The following ZNF529 variants were observed in gnomAD, a reference collection of about 807,000 sequenced individuals.
ZNF529 encodes zinc finger protein 529.
A neutral mutation model predicts 10.1 loss-of-function variants in ZNF529; 11 were observed. The ratio of observed to expected loss-of-function variants is 1.09; its 90% CI spans 0.69 to 1.81. The LOEUF is 1.81. ZNF529 is among the 40% of genes most tolerant of loss of function. The pLI, the probability that ZNF529 is intolerant of heterozygous loss-of-function variation, is 0.00. For missense variants in ZNF529, 624 were observed against 666.8 expected, an observed-to-expected ratio of 0.94 and a Z score of 0.71; for synonymous variants, 204 against 215.7, an observed-to-expected ratio of 0.95 and a Z score of 0.47.
intron 1 of ZNF529, among the ~76,000 whole-genome samples, chr19:36,598,250 C>T (rs1336395496): frequency 6.6e-6 from 1 of 152,168 alleles, no homozygotes; most frequent in Non-Finnish European, 1.5e-5. Context: ...TGGCTCATGC[C>T]TGTAATCCCA....
At chr19:36,551,019 A>C (rs555999471) in intron 4 of ZNF529, among the ~76,000 whole-genome samples, 1 of 152,334 alleles carries the variant, frequency 6.6e-6, no homozygotes, top group East Asian at 1.9e-4. Context: ...CCAGATAATA[A>C]GCCAGGAATC....
chr19:36,557,140 A>G (rs1453352990), intron 2 of ZNF529, among the ~76,000 whole-genome samples: 1 of 152,152 alleles, frequency 6.6e-6, no homozygotes, highest in Non-Finnish European at 1.5e-5. Flanking sequence ...ATAAGTTGCA[A>G]TTAGTGGTGC....
At chr19:36,578,815 C>T (rs906737422) in intron 2 of ZNF529, among the ~76,000 whole-genome samples, 2 of 150,884 alleles carry the variant, frequency 1.3e-5, no homozygotes, top group Non-Finnish European at 3.0e-5. Flanking sequence ...CCAGGCTGGT[C>T]TCGAACTCCT....
chr19:36,573,772 G>A (rs537968741), upstream of ZNF529, among the ~76,000 whole-genome samples: 147 of 152,316 alleles, frequency 9.7e-4, no homozygotes, highest in Non-Finnish European at 1.7e-3. Flanking sequence ...GGAGGGCCGG[G>A]CTGGGAAGGC....
chr19:36,561,902 C>T (rs2035712280), intron 2 of ZNF529, among the ~76,000 whole-genome samples: 1 of 152,232 alleles, frequency 6.6e-6, no homozygotes, highest in South Asian at 2.1e-4. Flanking sequence ...TACTTGAGAC[C>T]AGTGACCCAT....
chr19:36,570,639 T>G (rs1249923188), intron 2 of ZNF529, among the ~76,000 whole-genome samples: 1 of 152,234 alleles, frequency 6.6e-6, no homozygotes, highest in Admixed American at 6.5e-5. Context: ...CATAACAGCT[T>G]TTCTGAGTTC....
At chr19:36,585,175 C>A (rs1018801323) in intron 2 of ZNF529, among the ~76,000 whole-genome samples, 1 of 152,166 alleles carries the variant, frequency 6.6e-6, no homozygotes, top group Non-Finnish European at 1.5e-5. Context: ...ACAAACCCAA[C>A]ACTAAACATG....
chr19:36,570,759 CTT>C (rs2036075719), intron 2 of ZNF529, among the ~76,000 whole-genome samples: 1 of 152,168 alleles, frequency 6.6e-6, no homozygotes, highest in South Asian at 2.1e-4. Flanking sequence ...TCAAAATTAA[CTT>C]TATATTTTCA....
rs75068935 is a variant in ZNF529 at position 36,580,778 on chromosome 19, C to G, written c.-41+8837G>C. 364 of 152,100 alleles carry G rather than the reference C, an allele frequency of 2.4e-3. 1 individual carries two copies. The highest frequency in any genetic ancestry group is 8.3e-3 in the African/African-American group (344 of 41,478). The allele number at this position is 152,100 out of a possible 1,614,324, so 9.4% of individuals were successfully genotyped here. A position where few individuals can be genotyped will look rare whatever the true frequency, so the allele number is the denominator to read the frequency against. Reference sequence around the variant, plus strand: ...CAGCTCTTCATATATGCAGATTCAACCAATAGCAATGCACAAATATTCAGA... The same window carrying G: ...CAGCTCTTCATATATGCAGATTCAAGCAATAGCAATGCACAAATATTCAGA... On this transcript the variant is annotated intron_variant, in intron 2 of 4. Coordinates refer to the ZNF529 transcript ENST00000585960.
At chr19:36,604,065 A>C (rs1310412290) in intron 1 of ZNF529, among the ~76,000 whole-genome samples, 1 of 152,158 alleles carries the variant, frequency 6.6e-6, no homozygotes. Context: ...CTGTAATCCC[A>C]GCTACTCGGG....
chr19:36,546,988 G>A lies in ZNF529; in HGVS notation c.1570C>T (p.His524Tyr). Residue 524 changes from histidine (H) to tyrosine (Y), a missense_variant, in exon 5 of 5, where the codon CAT becomes TAT. Physicochemically the swap from His to Tyr is moderately conservative, Grantham distance 83. Coordinates refer to ENST00000591340, the MANE Select transcript of ZNF529 (RefSeq NM_020951.5). ...AFRHSSSFTK[H>Y]QRIHTDDKPY... ...TTATCATCAGTATGAATGCGCTGATGTTTGGTAAAGGATGAACTATGTCTA... is the reference window on the plus strand; with the variant it reads ...TTATCATCAGTATGAATGCGCTGATATTTGGTAAAGGATGAACTATGTCTA... 1 of 1,614,016 alleles carries A rather than the reference G, an allele frequency of 6.2e-7. No individual in the cohort carries two copies. The highest frequency in any genetic ancestry group is 8.5e-7 in the Non-Finnish European group (1 of 1,179,946).
At chr19:36,554,488 G>C (rs571115741) in intron 4 of ZNF529, among the ~76,000 whole-genome samples, 182 bp downstream of exon 4, 20 of 152,142 alleles carry the variant, frequency 1.3e-4, no homozygotes, top group Non-Finnish European at 5.9e-5. Flanking sequence ...TGAGGCAGAA[G>C]AATCACTTGA....
chr19:36,557,959 T>A lies in ZNF529; in HGVS notation c.15-1762A>T, dbSNP rs1187189696. Among the ~76,000 whole-genome samples, 2 of 151,816 alleles carry A rather than the reference T, an allele frequency of 1.3e-5. 1 individual carries two copies. Among genetic ancestry groups the A allele is most frequent in the Non-Finnish European group, 3.0e-5 (2 of 67,792 alleles). On this transcript the variant is annotated intron_variant, in intron 2 of 4. Coordinates refer to ENST00000591340, the MANE Select transcript of ZNF529 (RefSeq NM_020951.5). ...ATGTAGGTATGATCATAATGTTGCA[T>A]CAAAAAGAGAATATCAACAGAGATA... is the stretch of plus-strand genomic sequence containing the variant.
rs1472517030 is a variant in ZNF529 at position 36,546,962 on chromosome 19, T to C, written c.1596A>G (p.Lys532=). 1.2e-6 allele frequency: 2 copies of C among 1,613,958 alleles called. No homozygotes were observed. The highest frequency in any genetic ancestry group is 3.3e-5 in the Admixed American group (2 of 60,020). Residue 532 remains lysine, a synonymous_variant, in exon 5 of 5, where the codon AAA becomes AAG. Transcript: ENST00000591340. ...TCCCACACTCCTTACATTCATAGGGTTTATCATCAGTATGAATGCGCTGAT... is the reference window on the plus strand; with the variant it reads ...TCCCACACTCCTTACATTCATAGGGCTTATCATCAGTATGAATGCGCTGAT... The part of the protein sequence containing the change: ...TKHQRIHTDD[K]PYECKECGNS...
intron 2 of ZNF529, among the ~76,000 whole-genome samples, chr19:36,586,243 T>TA (rs1202770707): frequency 1.3e-5 from 2 of 152,172 alleles, no homozygotes; most frequent in African/African-American, 2.4e-5. Flanking sequence ...AAGGAATCTT[T>TA]AAAAAATATG....
intron 4 of ZNF529, among the ~76,000 whole-genome samples, chr19:36,550,775 A>C (rs1278771613): frequency 6.6e-6 from 1 of 152,216 alleles, no homozygotes; most frequent in Non-Finnish European, 1.5e-5. Context: ...AGGAATTAGC[A>C]AACAATCACT....
At chr19:36,569,490 T>G (rs1055603909) in intron 2 of ZNF529, among the ~76,000 whole-genome samples, 1 of 151,852 alleles carries the variant, frequency 6.6e-6, no homozygotes, top group South Asian at 2.1e-4. Flanking sequence ...ACTGGCTGGG[T>G]GTGGTGGCTC....
chr19:36,580,506 C>T (rs546228525), intron 2 of ZNF529: 1 of 152,252 alleles, frequency 6.6e-6, no homozygotes, highest in Non-Finnish European at 1.5e-5. Flanking sequence ...TTTTCAGCTC[C>T]ATTGTAATCT....
intron 1 of ZNF529, among the ~76,000 whole-genome samples, chr19:36,600,550 A>G (rs377735352): frequency 1.3e-5 from 2 of 152,288 alleles, no homozygotes; most frequent in South Asian, 4.1e-4. Context: ...GACTGACTTA[A>G]TATTTACATA....
Sources: gnomAD v4.1 joint callset for allele counts (sites outside exome capture counted in the v4.1 genomes callset) on GRCh38, gnomAD v4.1.1 for gene constraint, MANE v1.5 for transcripts, NCBI Gene and HGNC (gene_info 2026-07-23, HGNC 2026-07-21) for gene names.